ECT2L: variants seen among roughly 807,000 people sequenced by gnomAD.
ECT2L encodes epithelial cell transforming 2 like.
Under a neutral mutation model 122.8 loss-of-function variants are expected in ECT2L, and 126 were observed. The observed-to-expected ratio is 1.03, with a 90% CI of 0.89 to 1.19. ECT2L has a LOEUF of 1.19. Among genes scored for constraint, ECT2L ranks in the 50% most tolerant of loss-of-function variants. The pLI is 0.00. For synonymous variants in ECT2L, 385 were observed against 381.8 expected (o/e 1.01, Z -0.10); for missense variants, 1,012 against 1,064.1 (o/e 0.95, Z 0.68).
At chr6:138,824,558 T>TAAAAAAAAAAAAAA (rs748380178) in intron 4 of ECT2L, among the ~76,000 whole-genome samples, 1 of 131,766 alleles carries the variant, frequency 7.6e-6, no homozygotes, top group Non-Finnish European at 1.6e-5. Context: ...AAAAAAACTA[T>TAAAAAAAAAAAAAA]AAAAAAAAAC....
chr6:138,850,717 T>C (rs1385098072), intron 9 of ECT2L, among the ~76,000 whole-genome samples: 1 of 152,004 alleles, frequency 6.6e-6, no homozygotes, highest in Non-Finnish European at 1.5e-5. Flanking sequence ...TAAAGAAATC[T>C]CCTGCCTGGT....
intron 10 of ECT2L, among the ~76,000 whole-genome samples, chr6:138,859,807 GTTC>G (rs1777753853): frequency 7.2e-6 from 1 of 138,396 alleles, no homozygotes; most frequent in Non-Finnish European, 1.6e-5. Context: ...TTGAAGCACA[GTTC>G]TTTTTTTTTT....
At chr6:138,880,900 C>A in intron 14 of ECT2L, 57 bp from the exon 15 acceptor site, 2 of 1,498,940 alleles carry the variant, frequency 1.3e-6, no homozygotes, top group Non-Finnish European at 1.8e-6. Context: ...AGCTGCCTGA[C>A]TGCTCAGCAC....
Position 138,900,957 on chromosome 6 carries a change from A to G in ECT2L, c.2424A>G (p.Glu808=). Residue 808 remains glutamate (E), a synonymous_variant, in exon 21 of 22, where the codon GAA becomes GAG. Transcript: ENST00000541398. ...EEISFSLRLY[E]HIHDLSLFLF... ...CTCCATTTTAACACAGGCTCTATGA[A>G]CACATCCATGATCTCAGCCTTTTCC... 6.2e-7 allele frequency: 1 copy of G among 1,613,906 alleles called. No individual in the cohort carries two copies. Among genetic ancestry groups the G allele is most frequent in the Non-Finnish European group, 8.5e-7 (1 of 1,179,920 alleles).
chr6:138,885,022 C>CTTTTTTTTTTTTTTTTTTTTT (rs34579502), intron 16 of ECT2L, among the ~76,000 whole-genome samples: 1 of 78,850 alleles, frequency 1.3e-5, no homozygotes, highest in Non-Finnish European at 2.4e-5. Context: ...AACACACATT[C>CTTTTTTTTTTTTTTTTTTTTT]TTTTTTTTTT....
At chr6:138,839,784 C>T (rs181897001) in intron 5 of ECT2L, among the ~76,000 whole-genome samples, 25 of 152,130 alleles carry the variant, frequency 1.6e-4, no homozygotes, top group Non-Finnish European at 2.9e-4. Context: ...TTCCTTTGTG[C>T]GAATTAAACT....
chr6:138,857,778 G>T (rs1294339805), intron 10 of ECT2L, among the ~76,000 whole-genome samples: 1 of 151,836 alleles, frequency 6.6e-6, no homozygotes, highest in Non-Finnish European at 1.5e-5. Flanking sequence ...TTCCACATAC[G>T]CACTCTCCTC....
intron 1 of ECT2L, among the ~76,000 whole-genome samples, chr6:138,808,588 TGTACGTAA>T (rs925378401): frequency 1.3e-5 from 2 of 152,212 alleles, no homozygotes; most frequent in Non-Finnish European, 2.9e-5. Flanking sequence ...AATTGATTTC[TGTACGTAA>T]GCCTAGTGTG....
At chr6:138,837,385 C>T (rs946518373) in intron 4 of ECT2L, among the ~76,000 whole-genome samples, 3 of 152,140 alleles carry the variant, frequency 2.0e-5, no homozygotes, top group African/African-American at 4.8e-5. Context: ...TGAGTCTCTC[C>T]GCACTCTTCC....
chr6:138,882,878 G>A lies in ECT2L; in HGVS notation c.2028+7G>A. On this transcript the variant is annotated splice_region_variant and intron_variant, in intron 16 of 21. Transcript: ENST00000541398. ...TCTGAAAACTATTGAGAAGGTAAAT[G>A]AGTTTCAATTCCATCATTCTATAAG... 1 of 1,594,906 alleles carries A rather than the reference G, an allele frequency of 6.3e-7. No homozygotes were observed. Among genetic ancestry groups the A allele is most frequent in the Non-Finnish European group, 8.5e-7 (1 of 1,173,008 alleles).
At chr6:138,840,581 G>A (rs1407267725) in intron 5 of ECT2L, among the ~76,000 whole-genome samples, 1 of 114,720 alleles carries the variant, frequency 8.7e-6, no homozygotes, top group Non-Finnish European at 2.0e-5. Flanking sequence ...TTCTAGGTTG[G>A]CAGCTAATTT....
At position 138,813,171 on chromosome 6, in the gene ECT2L, G is replaced by T; in HGVS notation, c.-103-1G>T. ...GACATTAACATATTGGTTATTTCTAGGTGATCTTAATTGCACACCTATTGA... is the reference window on the plus strand; with the variant it reads ...GACATTAACATATTGGTTATTTCTATGTGATCTTAATTGCACACCTATTGA... On this transcript the variant is annotated splice_acceptor_variant, in intron 2 of 21. Transcript: ENST00000541398. LOFTEE classifies it low-confidence loss of function (5UTR_SPLICE). 2.8e-6 allele frequency: 2 copies of T among 702,064 alleles called. No individual in the cohort carries two copies. Among genetic ancestry groups the T allele is most frequent in the South Asian group, 3.8e-5 (2 of 52,114 alleles). The allele number at this position is 702,064 out of a possible 1,614,324, so 43.5% of individuals were successfully genotyped here.
chr6:138,830,476 G>A (rs79640823), intron 4 of ECT2L, among the ~76,000 whole-genome samples: 3,036 of 152,228 alleles, frequency 0.02, 98 homozygotes, highest in African/African-American at 0.068. Flanking sequence ...ATAGTCCACA[G>A]GCCATACCCC....
At chr6:138,851,602 G>C (rs1777454125) in intron 9 of ECT2L, among the ~76,000 whole-genome samples, 1 of 150,882 alleles carries the variant, frequency 6.6e-6, no homozygotes, top group African/African-American at 2.4e-5. Context: ...AGGCTTGTTG[G>C]CCATTTGGTT....
intron 1 of ECT2L, among the ~76,000 whole-genome samples, chr6:138,798,148 AT>A (rs1775407037): frequency 6.6e-6 from 1 of 152,232 alleles, no homozygotes; most frequent in African/African-American, 2.4e-5. Flanking sequence ...ATGTTCAGCT[AT>A]CCCAAAGATC....
At chr6:138,805,518 A>G (rs550348660) in intron 1 of ECT2L, among the ~76,000 whole-genome samples, 28 of 152,258 alleles carry the variant, frequency 1.8e-4, no homozygotes, top group Non-Finnish European at 3.5e-4. Context: ...TCACAATTCT[A>G]TGGGTTGGCT....
chr6:138,822,499 G>C (rs921358000), intron 4 of ECT2L, among the ~76,000 whole-genome samples: 1 of 152,092 alleles, frequency 6.6e-6, no homozygotes, highest in Non-Finnish European at 1.5e-5. Flanking sequence ...AGGTTGCAGT[G>C]AACCGAGATT....
At chr6:138,834,935 A>ACACACACACACACTCTCT (rs5880405) in intron 4 of ECT2L, among the ~76,000 whole-genome samples, 4 of 142,866 alleles carry the variant, frequency 2.8e-5, no homozygotes, top group Non-Finnish European at 4.6e-5. Flanking sequence ...ACACACACAC[A>ACACACACACACACTCTCT]CTCTCATTCT....
intron 5 of ECT2L, among the ~76,000 whole-genome samples, chr6:138,841,335 T>A (rs563529231): frequency 6.6e-6 from 1 of 152,326 alleles, no homozygotes; most frequent in East Asian, 1.9e-4. Context: ...TGTGATCCTT[T>A]GAGTCTCTGG....
Sources: gnomAD v4.1 joint callset for allele counts (sites outside exome capture counted in the v4.1 genomes callset) on GRCh38, gnomAD v4.1.1 for gene constraint, MANE v1.5 for transcripts, NCBI Gene and HGNC (gene_info 2026-07-23, HGNC 2026-07-21) for gene names.